ANO3: variants seen among roughly 807,000 people sequenced by gnomAD.
The protein encoded by ANO3 is anoctamin-3.
A neutral mutation model predicts 144.8 loss-of-function variants in ANO3; 99 were observed. That is an observed-to-expected ratio of 0.68 (90% CI 0.58 to 0.81). ANO3 has a LOEUF of 0.81. Among genes scored for constraint, ANO3 ranks in the 30% least tolerant of loss-of-function variants. The pLI is 0.00. For synonymous variants in ANO3, 414 were observed against 392.6 expected, an observed-to-expected ratio of 1.05 and a Z score of -0.64; for missense variants, 905 against 1,202.2, an observed-to-expected ratio of 0.75 and a Z score of 3.66.
rs1433388365 is a variant in ANO3, at chr11:26,547,463, G to T, written c.1202G>T (p.Trp401Leu). The T allele has an allele frequency of 2.5e-6, 4 of 1,611,850 alleles. No homozygotes were observed. In the East Asian group the frequency reaches 8.9e-5, roughly 36 times the overall value. The part of the protein sequence containing the change: ...KIGLYFAWLG[W>L]YTGMLIPAAI... ...GGACTATACTTTGCTTGGCTGGGAT[G>T]GTATACTGGAATGTTGATTCCTGCA... The change falls in exon 12 of 27, where the codon TGG becomes TTG. Residue 401 changes from tryptophan to leucine, a missense_variant. Transcript: ENST00000256737.
At chr11:26,428,234 A>T (rs1857976525) in intron 1 of ANO3, among the ~76,000 whole-genome samples, 1 of 152,228 alleles carries the variant, frequency 6.6e-6, no homozygotes, top group South Asian at 2.1e-4. Flanking sequence ...AATATAACAG[A>T]ATTAACACTT....
chr11:26,623,189 T>C (rs1253131457), intron 17 of ANO3, among the ~76,000 whole-genome samples: 1 of 152,212 alleles, frequency 6.6e-6, no homozygotes, highest in East Asian at 1.9e-4. Flanking sequence ...CAGATAACAC[T>C]TTAACTCTTA....
At chr11:26,383,935 T>C (rs1333320122) in intron 1 of ANO3, among the ~76,000 whole-genome samples, 1 of 136,592 alleles carries the variant, frequency 7.3e-6, no homozygotes, top group Admixed American at 7.9e-5. Flanking sequence ...TCTCTCTCTG[T>C]TGCCCAGGCT....
At chr11:26,482,772 A>C (rs867646458) in intron 4 of ANO3, among the ~76,000 whole-genome samples, 1 of 152,024 alleles carries the variant, frequency 6.6e-6, no homozygotes, top group Non-Finnish European at 1.5e-5. Flanking sequence ...TAACCTTCTG[A>C]GTCTCCAATA....
intron 1 of ANO3, among the ~76,000 whole-genome samples, chr11:26,363,363 T>A (rs1358529008): frequency 2.0e-5 from 3 of 152,136 alleles, no homozygotes; most frequent in African/African-American, 4.8e-5. Flanking sequence ...AGAAATGTAT[T>A]TCTCACAGTT....
chr11:26,579,900 A>C (rs988962213), intron 14 of ANO3, among the ~76,000 whole-genome samples: 1 of 152,152 alleles, frequency 6.6e-6, no homozygotes, highest in African/African-American at 2.4e-5. Context: ...TGAAGCTGGT[A>C]TGAGGATGTA....
intron 1 of ANO3, among the ~76,000 whole-genome samples, chr11:26,344,265 A>T (rs1855441464): frequency 6.6e-6 from 1 of 152,178 alleles, no homozygotes; most frequent in African/African-American, 2.4e-5. Context: ...TGCATCTTAT[A>T]ATACGAAACA....
In ANO3 at chr11:26,573,706, C is replaced by T. The variant is rs187655102; in HGVS notation, c.1447+13927C>T. On this transcript the variant is annotated intron_variant, in intron 14 of 26. Transcript: ENST00000256737. ...CCGCTAATTTCTCATGTTGCTTTTT[C>T]CTGAAGACCCTTTCTGTGGGCCCAG... Among the ~76,000 whole-genome samples the T allele has an allele frequency of 3.1e-3, 476 of 152,220 alleles. 2 individuals carry two copies. Among genetic ancestry groups the T allele is most frequent in the African/African-American group, 0.011 (455 of 41,548 alleles).
At chr11:26,208,848 T>C (rs1851872065) in intron 1 of ANO3, among the ~76,000 whole-genome samples, 1 of 152,186 alleles carries the variant, frequency 6.6e-6, no homozygotes, top group Non-Finnish European at 1.5e-5. Flanking sequence ...TTTGAAGACA[T>C]AAATATATTT....
chr11:26,386,676 G>C (rs1472607343), intron 1 of ANO3, among the ~76,000 whole-genome samples: 1 of 152,058 alleles, frequency 6.6e-6, no homozygotes, highest in East Asian at 1.9e-4. Flanking sequence ...TATTAACTTA[G>C]GTTAAGCTTT....
At chr11:26,577,198 G>A (rs1000831963) in intron 14 of ANO3, among the ~76,000 whole-genome samples, 1 of 152,128 alleles carries the variant, frequency 6.6e-6, no homozygotes, top group Non-Finnish European at 1.5e-5. Flanking sequence ...GGGTAGATAT[G>A]GTTTTGGTGG....
intron 3 of ANO3, among the ~76,000 whole-genome samples, chr11:26,462,307 T>G (rs1249940042): frequency 6.6e-6 from 1 of 151,914 alleles, no homozygotes. Context: ...GATATTTATA[T>G]CACATGGAAT....
intron 23 of ANO3, among the ~76,000 whole-genome samples, chr11:26,645,287 A>C (rs1329485476): frequency 6.6e-6 from 1 of 151,910 alleles, no homozygotes; most frequent in Non-Finnish European, 1.5e-5. Flanking sequence ...CAATTTTTGA[A>C]CTTATTTTGT....
intron 1 of ANO3, among the ~76,000 whole-genome samples, chr11:26,264,036 TA>T (rs1438880011): frequency 6.6e-6 from 1 of 152,190 alleles, no homozygotes; most frequent in Non-Finnish European, 1.5e-5. Flanking sequence ...TGACTAAAAT[TA>T]AATACTCTTC....
At chr11:26,647,008 A>G (rs1222694816) in intron 23 of ANO3, among the ~76,000 whole-genome samples, 1 of 152,178 alleles carries the variant, frequency 6.6e-6, no homozygotes, top group Admixed American at 6.5e-5. Context: ...GAAAGTTGGC[A>G]TGCTACATAA....
intron 14 of ANO3, among the ~76,000 whole-genome samples, chr11:26,574,306 C>T (rs1055020843): frequency 6.6e-6 from 1 of 152,166 alleles, no homozygotes; most frequent in Non-Finnish European, 1.5e-5. Context: ...GATCTGAATA[C>T]AGAAGCAGAC....
intron 14 of ANO3, among the ~76,000 whole-genome samples, chr11:26,571,734 A>T (rs1398665372): frequency 6.6e-6 from 1 of 152,146 alleles, no homozygotes; most frequent in Non-Finnish European, 1.5e-5. Flanking sequence ...ACTTAAGAAA[A>T]TTCTATTTCA....
chr11:26,482,258 G>C (rs1344013744), intron 4 of ANO3, among the ~76,000 whole-genome samples: 1 of 151,748 alleles, frequency 6.6e-6, no homozygotes, highest in Non-Finnish European at 1.5e-5. Flanking sequence ...GGGTACATGT[G>C]CACAATGTGC....
chr11:26,446,650 C>T (rs903152), intron 3 of ANO3, among the ~76,000 whole-genome samples: 142,937 of 152,306 alleles, frequency 0.94, 67,250 homozygotes, highest in East Asian at 1. Context: ...TTTATTCTTA[C>T]ATCCACTAGC....
Sources: allele counts gnomAD v4.1 joint callset (sites outside exome capture counted in the v4.1 genomes callset), GRCh38; gene constraint gnomAD v4.1.1; transcripts MANE v1.5; gene names NCBI Gene and HGNC (gene_info 2026-07-23, HGNC 2026-07-21).